The following MGAT5 variants were observed in gnomAD, a reference collection of about 807,000 sequenced individuals.
MGAT5 encodes alpha-1,6-mannosylglycoprotein 6-beta-N-acetylglucosaminyltransferase.
A neutral mutation model predicts 94.3 loss-of-function variants in MGAT5; 30 were observed. The ratio of observed to expected loss-of-function variants is 0.32; its 90% CI spans 0.24 to 0.43. MGAT5 has a LOEUF of 0.43. Ranked by LOEUF, MGAT5 falls within the 20% of genes least tolerant of loss-of-function variation. The pLI is 1.00. For missense variants in MGAT5, 691 were observed against 905.5 expected (o/e 0.76, Z 3.04); for synonymous variants, 310 against 322.9 (o/e 0.96, Z 0.43).
chr2:134,428,068 GT>G (rs1231901941), intron 13 of MGAT5, among the ~76,000 whole-genome samples: 2 of 152,226 alleles, frequency 1.3e-5, no homozygotes, highest in Non-Finnish European at 1.5e-5. Context: ...CTATGTGCTA[GT>G]CACTAAACTA....
chr2:134,452,749 A>T lies in MGAT5; in HGVS notation c.*3902A>T, dbSNP rs1433773618. On this transcript the variant is annotated 3_prime_UTR_variant, in exon 16 of 16. Transcript: ENST00000281923. ...GTATGTGTTACTATCCCAAGCCTGG[A>T]TTATTTTATTTATTTAAAAGTATTT... is the stretch of plus-strand genomic sequence containing the variant. The T allele has an allele frequency of 6.6e-6, 1 of 152,232 alleles. No homozygotes were observed. The highest frequency in any genetic ancestry group is 1.9e-4 in the East Asian group (1 of 5,200). 9.4% of individuals were successfully genotyped at this position (152,232 alleles called of 1,614,324 possible). A position where few individuals can be genotyped will look rare whatever the true frequency, so the allele number is the denominator to read the frequency against.
chr2:134,428,764 CA>C (rs1213461966), intron 14 of MGAT5, among the ~76,000 whole-genome samples: 2 of 152,142 alleles, frequency 1.3e-5, no homozygotes, highest in Non-Finnish European at 2.9e-5. Context: ...TTAAGAAAGG[CA>C]AGAATTGAAA....
At chr2:134,195,790 G>A (rs1291962343) in intron 1 of MGAT5, among the ~76,000 whole-genome samples, 1 of 152,134 alleles carries the variant, frequency 6.6e-6, no homozygotes, top group African/African-American at 2.4e-5. Context: ...TTAATGGCTG[G>A]GTAATCTTAT....
chr2:134,164,741 G>T (rs1460544401), intron 1 of MGAT5, among the ~76,000 whole-genome samples: 1 of 151,804 alleles, frequency 6.6e-6, no homozygotes, highest in Non-Finnish European at 1.5e-5. Flanking sequence ...GAGACAAGAG[G>T]ATCGCTTGAG....
At chr2:134,342,308 T>C (rs999875818) in intron 7 of MGAT5, among the ~76,000 whole-genome samples, 4 of 152,162 alleles carry the variant, frequency 2.6e-5, no homozygotes, top group Non-Finnish European at 5.9e-5. Flanking sequence ...CCCTTCTATA[T>C]TGGCATAGCT....
intron 1 of MGAT5, among the ~76,000 whole-genome samples, chr2:134,256,848 C>T (rs1682995825): frequency 6.6e-6 from 1 of 152,242 alleles, no homozygotes; most frequent in Non-Finnish European, 1.5e-5. Flanking sequence ...TGCTAGTTTT[C>T]TCTTTCATCG....
intron 1 of MGAT5, among the ~76,000 whole-genome samples, chr2:134,151,017 T>C (rs1363588568): frequency 6.6e-6 from 1 of 152,154 alleles, no homozygotes; most frequent in African/African-American, 2.4e-5. Flanking sequence ...TCTGTACACT[T>C]GGATTCCCCT....
rs564800495 is a variant in MGAT5, at chr2:134,204,136, T to A, written c.-142-50126T>A. ...ACATGGAGATTCTTTTCCCTCCTAA[T>A]CTTCATTCTTATTCATGCTAGCGCT... On this transcript the variant is annotated intron_variant, in intron 1 of 16. Transcript: ENST00000409645. Among the ~76,000 whole-genome samples, 8 of 152,346 alleles carry A rather than the reference T, an allele frequency of 5.3e-5. No homozygotes were observed. The East Asian group carries it at 1.5e-3, about 29-fold the overall frequency.
At chr2:134,137,214 A>C (rs950304394) in intron 1 of MGAT5, among the ~76,000 whole-genome samples, 1 of 152,172 alleles carries the variant, frequency 6.6e-6, no homozygotes, top group East Asian at 1.9e-4. Flanking sequence ...CCCAAGAAAT[A>C]TGTTGTGCAC....
chr2:134,218,719 G>A (rs958922155), intron 1 of MGAT5, among the ~76,000 whole-genome samples: 3 of 152,190 alleles, frequency 2.0e-5, no homozygotes, highest in African/African-American at 7.2e-5. Context: ...CAAGGTGCAA[G>A]ACTAGCCCAG....
intron 14 of MGAT5, 127 bp from the exon 15 acceptor site, chr2:134,441,631 G>T (rs1346700111): frequency 1.7e-6 from 2 of 1,143,174 alleles, no homozygotes; most frequent in African/African-American, 3.1e-5. Context: ...CATCCATGTG[G>T]CTCCCAACTC....
At position 134,164,839 on chromosome 2, in the gene MGAT5, CAAA is replaced by C. The variant is rs78180455; in HGVS notation, c.-143+44558_-143+44560del. Among the ~76,000 whole-genome samples the C allele has an allele frequency of 5.3e-5, 7 of 131,874 alleles. No homozygotes were observed. The East Asian group carries it at 1.1e-3, about 21-fold the overall frequency. 86.5% of individuals were successfully genotyped at this position (131,874 alleles called of 152,430 possible). A position where few individuals can be genotyped will look rare whatever the true frequency, so the allele number is the denominator to read the frequency against. ...CTGGGCAACATAGTGACACCCGTCT[CAAA>C]AAAAAAAAACCAAACCAAACAAAGC... On this transcript the variant is annotated intron_variant, in intron 1 of 16. Transcript: ENST00000409645.
intron 1 of MGAT5, among the ~76,000 whole-genome samples, chr2:134,218,346 A>C (rs1302336687): frequency 2.0e-5 from 3 of 152,206 alleles, no homozygotes; most frequent in Non-Finnish European, 4.4e-5. Flanking sequence ...AACTGTTACC[A>C]CATGACACCC....
At chr2:134,299,143 T>C (rs1685869948) in intron 2 of MGAT5, among the ~76,000 whole-genome samples, 1 of 152,198 alleles carries the variant, frequency 6.6e-6, no homozygotes, top group Non-Finnish European at 1.5e-5. Flanking sequence ...ACAAAATCTC[T>C]GTCAATTCTG....
At chr2:134,241,024 T>C (rs190302217) in intron 1 of MGAT5, among the ~76,000 whole-genome samples, 1 of 152,136 alleles carries the variant, frequency 6.6e-6, no homozygotes, top group Admixed American at 6.5e-5. Context: ...TAGACAAAAA[T>C]TAAAATACAG....
chr2:134,349,243 A>T (rs1679205758), intron 8 of MGAT5, among the ~76,000 whole-genome samples: 1 of 152,190 alleles, frequency 6.6e-6, no homozygotes, highest in Non-Finnish European at 1.5e-5. Flanking sequence ...GTTCTAGGAG[A>T]AAGCAAATAA....
intron 15 of MGAT5, among the ~76,000 whole-genome samples, chr2:134,448,431 C>CCCTG (rs1230314524): frequency 6.6e-6 from 1 of 152,140 alleles, no homozygotes; most frequent in Non-Finnish European, 1.5e-5. Flanking sequence ...AAACACACAC[C>CCCTG]CCTGCACACA....
Position 134,201,836 on chromosome 2 carries a change from TTTTTTTTA to T in MGAT5, c.-142-52425_-142-52418del, listed in dbSNP as rs1303876891. On this transcript the variant is annotated intron_variant, in intron 1 of 16. Transcript: ENST00000409645. ...CGCTGCTTTTTTTTTTTTTTTTTTT[TTTTTTTTA>T]ATTGAGAGGAGTGACTATCCCTCCA... Among the ~76,000 whole-genome samples the T allele has an allele frequency of 1.5e-4, 21 of 139,048 alleles. No individual in the cohort carries two copies. In the Admixed American group the frequency reaches 1.6e-3, roughly 10 times the overall value. The allele number at this position is 139,048 out of a possible 152,430, so 91.2% of individuals were successfully genotyped here.
At chr2:134,189,714 G>T (rs1689273413) in intron 1 of MGAT5, among the ~76,000 whole-genome samples, 1 of 149,630 alleles carries the variant, frequency 6.7e-6, no homozygotes, top group Non-Finnish European at 1.5e-5. Context: ...CGATTCTCCT[G>T]CCTCAGCCTC....
Sources: gnomAD v4.1 joint callset for allele counts (sites outside exome capture counted in the v4.1 genomes callset) on GRCh38, gnomAD v4.1.1 for gene constraint, MANE v1.5 for transcripts, NCBI Gene and HGNC (gene_info 2026-07-23, HGNC 2026-07-21) for gene names.